UBTD2: variants seen among roughly 807,000 people sequenced by gnomAD.
The protein encoded by UBTD2 is ubiquitin domain containing 2, also known as ubiquitin domain-containing protein 2.
In UBTD2, 9 loss-of-function variants were observed where a neutral mutation model predicts 19.8. That is an observed-to-expected ratio of 0.46 (90% CI 0.27 to 0.79). The LOEUF (loss-of-function observed/expected upper bound fraction) is 0.79, where lower values mean the gene tolerates loss of function less well. Ranked by LOEUF, UBTD2 falls within the 30% of genes least tolerant of loss-of-function variation. UBTD2 has a pLI of 0.14. For missense variants in UBTD2, 250 were observed against 300.4 expected, an observed-to-expected ratio of 0.83 and a Z score of 1.24; for synonymous variants, 98 against 103.9, an observed-to-expected ratio of 0.94 and a Z score of 0.35.
chr5:172,251,641 A>T (rs1230862754), intron 1 of UBTD2, among the ~76,000 whole-genome samples: 1 of 145,232 alleles, frequency 6.9e-6, no homozygotes, highest in Non-Finnish European at 1.5e-5. Flanking sequence ...AAAAAAAAAA[A>T]TGGCAACCAA....
intron 1 of UBTD2, among the ~76,000 whole-genome samples, chr5:172,248,654 C>CAA (rs890756639): frequency 6.6e-6 from 1 of 150,938 alleles, no homozygotes; most frequent in African/African-American, 2.4e-5. Context: ...CCCAGACACT[C>CAA]AGATGGCAGA....
At chr5:172,250,895 C>G (rs548632990) in intron 1 of UBTD2, among the ~76,000 whole-genome samples, 122 of 126,200 alleles carry the variant, frequency 9.7e-4, no homozygotes, top group African/African-American at 3.5e-3. Context: ...GATCGTACCA[C>G]TGCACTCCAG....
chr5:172,212,354 G>A, intron 2 of UBTD2, 127 bp from the exon 3 acceptor site: 1 of 958,584 alleles, frequency 1.0e-6, no homozygotes. Flanking sequence ...ACTCTCAGCT[G>A]ATCATCAATG....
intron 1 of UBTD2, among the ~76,000 whole-genome samples, chr5:172,274,135 CTTTTTTTTTTT>C (rs555392614): frequency 2.8e-5 from 3 of 108,646 alleles, no homozygotes; most frequent in South Asian, 3.1e-4. Context: ...TTTTGCTTTA[CTTTTTTTTTTT>C]TTTTTTTTTT....
intron 2 of UBTD2, among the ~76,000 whole-genome samples, chr5:172,224,364 A>G (rs1171609550): frequency 6.7e-6 from 1 of 149,384 alleles, no homozygotes; most frequent in Non-Finnish European, 1.5e-5. Flanking sequence ...AGGTGGCACA[A>G]TCTCAGCTCA....
At chr5:172,241,731 C>T (rs1363831292) in intron 1 of UBTD2, among the ~76,000 whole-genome samples, 1 of 152,048 alleles carries the variant, frequency 6.6e-6, no homozygotes, top group African/African-American at 2.4e-5. Context: ...AAGTATAAGG[C>T]TGGTTGGGTG....
intron 2 of UBTD2, among the ~76,000 whole-genome samples, chr5:172,228,185 G>A (rs1451132329): frequency 6.6e-6 from 1 of 152,096 alleles, no homozygotes; most frequent in East Asian, 1.9e-4. Flanking sequence ...TAAAACATTA[G>A]ACATAGACTA....
Position 172,256,953 on chromosome 5 carries a change from T to C in UBTD2, c.71-22595A>G, listed in dbSNP as rs147925750. 7.6e-4 allele frequency among the ~76,000 whole-genome samples: 116 copies of C among 152,312 alleles called. 1 individual carries two copies. The East Asian group carries it at 0.022, about 29-fold the overall frequency. ...TTTCTAAAAGTTCTAAAAATGATTA[T>C]AACTTTCTTCCTTCTTGATGAATTC... On this transcript the variant is annotated intron_variant, in intron 1 of 2. Transcript: ENST00000393792.
chr5:172,274,419 G>T (rs1371459386), intron 1 of UBTD2, among the ~76,000 whole-genome samples: 1 of 152,058 alleles, frequency 6.6e-6, no homozygotes, highest in Non-Finnish European at 1.5e-5. Flanking sequence ...GATTACAGGT[G>T]TGAGCCACTG....
chr5:172,263,365 T>C (rs185798880), intron 1 of UBTD2, among the ~76,000 whole-genome samples: 279 of 152,318 alleles, frequency 1.8e-3, no homozygotes, highest in Non-Finnish European at 3.5e-3. Context: ...AGGGAGACTT[T>C]CGTAAGTTAA....
chr5:172,283,497 G>T lies in UBTD2; in HGVS notation c.70+99C>A. ...TGACGTGGAAGAGGGGATGACAAAG[G>T]GGCGCGGGGGCCCGGCGCGGCCCGC... is the stretch of plus-strand genomic sequence containing the variant. On this transcript the variant is annotated intron_variant, in intron 1 of 2. Coordinates refer to ENST00000393792, the MANE Select transcript of UBTD2 (RefSeq NM_152277.3). This position sits in a 1 kb window ranked among gnomAD's most constrained non-coding sequence, Gnocchi z 4.3. 1 of 959,518 alleles carries T rather than the reference G, an allele frequency of 1.0e-6. No homozygotes were observed. The allele number at this position is 959,518 out of a possible 1,614,324, so 59.4% of individuals were successfully genotyped here.
intron 1 of UBTD2, among the ~76,000 whole-genome samples, chr5:172,270,790 CTG>C (rs1755474554): frequency 6.6e-6 from 1 of 152,160 alleles, no homozygotes; most frequent in Non-Finnish European, 1.5e-5. Context: ...GAATAAAACT[CTG>C]TTAGACTATA....
At chr5:172,247,662 T>C (rs1385980830) in intron 1 of UBTD2, among the ~76,000 whole-genome samples, 1 of 152,186 alleles carries the variant, frequency 6.6e-6, no homozygotes, top group Non-Finnish European at 1.5e-5. Flanking sequence ...ACATAACAAG[T>C]ATATACAACA....
At chr5:172,215,257 G>A (rs1771519299) in intron 2 of UBTD2, among the ~76,000 whole-genome samples, 1 of 152,192 alleles carries the variant, frequency 6.6e-6, no homozygotes, top group South Asian at 2.1e-4. Context: ...TGGGTTGGAG[G>A]AGGGTGCAAA....
intron 2 of UBTD2, among the ~76,000 whole-genome samples, chr5:172,214,680 GA>G (rs1323381814): frequency 6.6e-6 from 1 of 152,208 alleles, no homozygotes; most frequent in Non-Finnish European, 1.5e-5. Context: ...AAGCTATTTA[GA>G]TGGTTACAGA....
At chr5:172,225,183 G>C (rs921825858) in intron 2 of UBTD2, among the ~76,000 whole-genome samples, 4 of 152,024 alleles carry the variant, frequency 2.6e-5, no homozygotes, top group African/African-American at 9.7e-5. Flanking sequence ...CATTTCCCCA[G>C]GCCAGGAAGC....
intron 1 of UBTD2, among the ~76,000 whole-genome samples, chr5:172,245,139 A>C (rs529128256): frequency 1.3e-5 from 2 of 152,212 alleles, no homozygotes; most frequent in Non-Finnish European, 2.9e-5. Flanking sequence ...ACTGTGGAAT[A>C]TGAGGAAAAT....
intron 1 of UBTD2, among the ~76,000 whole-genome samples, chr5:172,238,243 T>A (rs1384443864): frequency 1.3e-5 from 2 of 152,208 alleles, no homozygotes; most frequent in Non-Finnish European, 2.9e-5. Context: ...TGCTTGGTAA[T>A]CATACATAGC....
At chr5:172,257,581 A>T (rs1229828289) in intron 1 of UBTD2, among the ~76,000 whole-genome samples, 2 of 152,220 alleles carry the variant, frequency 1.3e-5, no homozygotes, top group Non-Finnish European at 2.9e-5. Context: ...ATAGAGGCTG[A>T]ACTAATATAC....
Sources: gnomAD v4.1 joint callset for allele counts (sites outside exome capture counted in the v4.1 genomes callset) on GRCh38, gnomAD v4.1.1 for gene constraint, Gnocchi (gnomAD v3.1) non-coding constraint, MANE v1.5 for transcripts, NCBI Gene and HGNC (gene_info 2026-07-23, HGNC 2026-07-21) for gene names.